GMPR: variants seen among roughly 807,000 people sequenced by gnomAD.
The protein encoded by GMPR is GMP reductase 1.
A neutral mutation model predicts 38.4 loss-of-function variants in GMPR; 31 were observed. The ratio of observed to expected loss-of-function variants is 0.81; its 90% confidence interval spans 0.61 to 1.09. GMPR has a LOEUF of 1.09. Ranked by LOEUF, GMPR falls within the 50% of genes least tolerant of loss-of-function variation. The pLI is 0.00. For synonymous variants in GMPR, 162 were observed against 173.3 expected, an observed-to-expected ratio of 0.93 and a Z score of 0.51; for missense variants, 468 against 453.7, an observed-to-expected ratio of 1.03 and a Z score of -0.29.
chr6:16,289,090 T>G (rs1759765474), intron 7 of GMPR, among the ~76,000 whole-genome samples: 1 of 152,220 alleles, frequency 6.6e-6, no homozygotes, highest in South Asian at 2.1e-4. Flanking sequence ...TTTCGCTCTT[T>G]GCAATAGATT....
chr6:16,249,166 ATTTT>A lies in GMPR; in HGVS notation c.208-1098_208-1095del, dbSNP rs11292107. Among the ~76,000 whole-genome samples the A allele has an allele frequency of 7.3e-3, 707 of 96,478 alleles. 3 individuals carry two copies. Among genetic ancestry groups the A allele is most frequent in the African/African-American group, 0.03 (663 of 22,226 alleles). The allele number at this position is 96,478 out of a possible 152,430, so 63.3% of individuals were successfully genotyped here. A position where few individuals can be genotyped will look rare whatever the true frequency, so the allele number is the denominator to read the frequency against. On this transcript the variant is annotated intron_variant, in intron 2 of 8. Coordinates refer to ENST00000259727, the MANE Select transcript of GMPR (RefSeq NM_006877.4). The stretch of plus-strand genomic sequence containing the variant: ...CGCCATGCAGTTGTTACATTTTGTA[ATTTT>A]TTTTTTTTTTTTTTTTTTTGAGATG...
chr6:16,242,571 C>T (rs1316092439), intron 1 of GMPR, among the ~76,000 whole-genome samples: 1 of 152,164 alleles, frequency 6.6e-6, no homozygotes, highest in Non-Finnish European at 1.5e-5. Flanking sequence ...CCAATCTCTG[C>T]CTTCATCTCC....
intron 1 of GMPR, among the ~76,000 whole-genome samples, chr6:16,239,082 G>C (rs1421098366): frequency 6.6e-6 from 1 of 152,186 alleles, no homozygotes; most frequent in Non-Finnish European, 1.5e-5. Context: ...AGAAGGAATA[G>C]GGGTACGAGG....
intron 1 of GMPR, among the ~76,000 whole-genome samples, chr6:16,244,085 G>A (rs1744974905): frequency 6.6e-6 from 1 of 151,628 alleles, no homozygotes; most frequent in East Asian, 1.9e-4. Context: ...CTTTCTGGTT[G>A]TGAATGAAAT....
chr6:16,246,516 G>C (rs1758758056), intron 1 of GMPR, among the ~76,000 whole-genome samples: 1 of 152,210 alleles, frequency 6.6e-6, no homozygotes, highest in East Asian at 1.9e-4. Context: ...GAGTGGAGCA[G>C]ATCCTCCCAG....
In GMPR at chr6:16,268,467, C is replaced by G. The variant is rs148347877; in HGVS notation, c.466-5948C>G. ...TTAATTTTTGTATCTTTAGTAGAGA[C>G]GAGGTTTTGCCATATTGGCCAGGCT... On this transcript the variant is annotated intron_variant, in intron 4 of 8. Transcript: ENST00000259727. Among the ~76,000 whole-genome samples the G allele has an allele frequency of 5.6e-3, 860 of 152,222 alleles. 10 individuals carry two copies. Among genetic ancestry groups the G allele is most frequent in the African/African-American group, 0.02 (813 of 41,528 alleles).
At chr6:16,272,359 C>G (rs1759401967) in intron 4 of GMPR, among the ~76,000 whole-genome samples, 1 of 152,212 alleles carries the variant, frequency 6.6e-6, no homozygotes, top group Non-Finnish European at 1.5e-5. Flanking sequence ...TTTGTCCACA[C>G]TTATGATTAT....
At chr6:16,244,923 CTG>C (rs576537597) in intron 1 of GMPR, among the ~76,000 whole-genome samples, 118 of 152,244 alleles carry the variant, frequency 7.8e-4, no homozygotes, top group African/African-American at 2.8e-3. Flanking sequence ...ATGAAGAGCT[CTG>C]TGTTTTGTGT....
rs761600265 is a variant in GMPR at position 16,290,458 on chromosome 6, T to G, written c.698-4T>G. Reference sequence around the variant, plus strand: ...TCGCTTTCATCCCCACCGTTGGCATTTAGGAGCTGGAGCAGATTTTGTCAT... The same window carrying G: ...TCGCTTTCATCCCCACCGTTGGCATGTAGGAGCTGGAGCAGATTTTGTCAT... On this transcript the variant is annotated splice_region_variant and splice_polypyrimidine_tract_variant and intron_variant, in intron 7 of 8. Coordinates refer to ENST00000259727, the MANE Select transcript of GMPR (RefSeq NM_006877.4). 17 of 1,613,322 alleles carry G rather than the reference T, an allele frequency of 1.1e-5. No homozygotes were observed. In the Admixed American group the frequency reaches 1.5e-4, roughly 14 times the overall value.
chr6:16,277,678 C>G (rs574292260), intron 5 of GMPR, among the ~76,000 whole-genome samples: 2 of 152,290 alleles, frequency 1.3e-5, no homozygotes, highest in East Asian at 3.9e-4. Flanking sequence ...GAAGACAGAC[C>G]CTTAACATTC....
rs1231324624 is a variant in GMPR at position 16,261,842 on chromosome 6, GT to G, written c.465+7109del. Among the ~76,000 whole-genome samples, 92 of 151,994 alleles carry G rather than the reference GT, an allele frequency of 6.1e-4. 1 individual carries two copies. Among genetic ancestry groups the G allele is most frequent in the African/African-American group, 2.0e-3 (83 of 41,508 alleles). On this transcript the variant is annotated intron_variant, in intron 4 of 8. Coordinates refer to ENST00000259727, the MANE Select transcript of GMPR (RefSeq NM_006877.4). ...AGGTATCTTATATTTGTGGGTTAAGGTTGGGGGATACAAGAGGAGGACACAA... is the reference window on the plus strand; with the variant it reads ...AGGTATCTTATATTTGTGGGTTAAGGTGGGGGATACAAGAGGAGGACACAA...
At position 16,238,672 on chromosome 6, in the gene GMPR, C is replaced by T. The variant is rs763336945; in HGVS notation, c.-22C>T. The stretch of plus-strand genomic sequence containing the variant: ...GCCCCCGCCCCGCCGTCGCCGCCGC[C>T]GCAGCCAGGAGCCGCTGCACCATGC... On this transcript the variant is annotated 5_prime_UTR_variant, in exon 1 of 9. Transcript: ENST00000259727. 4.5e-5 allele frequency: 57 copies of T among 1,262,898 alleles called. No homozygotes were observed. The highest frequency in any genetic ancestry group is 1.1e-4 in the East Asian group (3 of 28,238). 78.2% of individuals were successfully genotyped at this position (1,262,898 alleles called of 1,614,324 possible). A position where few individuals can be genotyped will look rare whatever the true frequency, so the allele number is the denominator to read the frequency against.
intron 3 of GMPR, 30 bp from the exon 4 acceptor site, chr6:16,254,532 T>C (rs773896332): frequency 1.2e-6 from 2 of 1,601,818 alleles, no homozygotes; most frequent in South Asian, 2.2e-5. Flanking sequence ...CTACTGTTTA[T>C]GCCTGTCTTC....
In GMPR at chr6:16,254,740, G is replaced by GTACGGTAGAACAT. The variant is rs760034935; in HGVS notation, c.465+20_465+32dup. On this transcript the variant is annotated splice_donor_region_variant and intron_variant, in intron 4 of 8. Transcript: ENST00000259727. ...TTTCCTGAACACACCATTATGGTAA[G>GTACGGTAGAACAT]TACGGTAGAACATTACGGTAGAACA... The GTACGGTAGAACAT allele has an allele frequency of 1.2e-5, 19 of 1,604,948 alleles. No homozygotes were observed. The highest frequency in any genetic ancestry group is 1.5e-5 in the Non-Finnish European group (17 of 1,171,756).
intron 6 of GMPR, among the ~76,000 whole-genome samples, chr6:16,282,055 G>T (rs1323959254): frequency 6.6e-6 from 1 of 152,210 alleles, no homozygotes; most frequent in East Asian, 1.9e-4. Flanking sequence ...CCCACCAGGT[G>T]TTTTGGATCC....
At chr6:16,284,475 G>A (rs147738237) in intron 6 of GMPR, among the ~76,000 whole-genome samples, 1 of 152,220 alleles carries the variant, frequency 6.6e-6, no homozygotes, top group Non-Finnish European at 1.5e-5. Context: ...CACCTTCTGC[G>A]GACAGGTGCT....
chr6:16,265,757 A>C (rs1759186048), intron 4 of GMPR, among the ~76,000 whole-genome samples: 1 of 152,228 alleles, frequency 6.6e-6, no homozygotes, highest in African/African-American at 2.4e-5. Flanking sequence ...GGGCGGGGCC[A>C]AATAAGGGAA....
chr6:16,265,840 T>G (rs1334741081), intron 4 of GMPR, among the ~76,000 whole-genome samples: 1 of 151,816 alleles, frequency 6.6e-6, no homozygotes, highest in Non-Finnish European at 1.5e-5. Flanking sequence ...GTTTTCTTCG[T>G]TCGCTTGCTG....
chr6:16,241,708 T>C (rs1561817457), intron 1 of GMPR, among the ~76,000 whole-genome samples: 1 of 152,202 alleles, frequency 6.6e-6, no homozygotes, highest in Non-Finnish European at 1.5e-5. Flanking sequence ...GCTCTAACAT[T>C]CTACTCTAGT....
Sources: gnomAD v4.1 joint callset for allele counts (sites outside exome capture counted in the v4.1 genomes callset) on GRCh38, gnomAD v4.1.1 for gene constraint, MANE v1.5 for transcripts, NCBI Gene and HGNC (gene_info 2026-07-23, HGNC 2026-07-21) for gene names.